The following CPO variants were observed in gnomAD, a reference collection of about 807,000 sequenced individuals.
CPO encodes the protein carboxypeptidase O.
CPO carries 43 observed loss-of-function variants against 41.2 expected under a neutral mutation model. The observed-to-expected ratio is 1.04, with a 90% CI of 0.82 to 1.35. The LOEUF (loss-of-function observed/expected upper bound fraction) is 1.35. CPO is among the 40% of genes most tolerant of loss of function. CPO has a pLI of 0.00. For missense variants in CPO, 408 were observed against 451.7 expected (o/e 0.90, Z 0.88); for synonymous variants, 178 against 162.7 (o/e 1.09, Z -0.72).
intron 8 of CPO, 80 bp from the exon 9 acceptor site, chr2:206,969,094 C>A: frequency 7.2e-7 from 1 of 1,397,620 alleles, no homozygotes; most frequent in Middle Eastern, 1.8e-4. Context: ...CTAAGTGAAC[C>A]TTTAGTTCCT....
chr2:206,949,244 A>G (rs1007197503), intron 1 of CPO, among the ~76,000 whole-genome samples: 2 of 152,222 alleles, frequency 1.3e-5, no homozygotes, highest in South Asian at 4.1e-4. Context: ...AGTTTTAGAG[A>G]GAAATAAATG....
chr2:206,946,125 A>G (rs1179767743), intron 1 of CPO, among the ~76,000 whole-genome samples: 3 of 152,098 alleles, frequency 2.0e-5, no homozygotes, highest in African/African-American at 7.2e-5. Context: ...ATGCTTCCTA[A>G]CTCATTTTAT....
At chr2:206,967,638 G>C (rs1431903241) in intron 7 of CPO, among the ~76,000 whole-genome samples, 4 of 152,130 alleles carry the variant, frequency 2.6e-5, no homozygotes, top group African/African-American at 9.7e-5. Flanking sequence ...GTAGGGTAAG[G>C]CTGAGGAATG....
chr2:206,955,416 C>A (rs769292612), intron 2 of CPO, 47 bp from the exon 3 acceptor site: 7 of 1,070,896 alleles, frequency 6.5e-6, no homozygotes, highest in African/African-American at 6.2e-5. Context: ...CAGAGGCATG[C>A]AAACAATCTT....
intron 7 of CPO, 51 bp downstream of exon 7, chr2:206,962,665 C>G: frequency 7.0e-7 from 1 of 1,428,872 alleles, no homozygotes; most frequent in South Asian, 1.2e-5. Flanking sequence ...AGACCTCTGC[C>G]TTCCTTTTTC....
chr2:206,954,136 C>T (rs1240747014), intron 2 of CPO, among the ~76,000 whole-genome samples: 1 of 152,170 alleles, frequency 6.6e-6, no homozygotes, highest in Non-Finnish European at 1.5e-5. Flanking sequence ...AGACATTTTC[C>T]CATTGTCTTG....
chr2:206,952,667 T>C (rs1235650098), intron 2 of CPO, among the ~76,000 whole-genome samples: 1 of 152,174 alleles, frequency 6.6e-6, no homozygotes, highest in African/African-American at 2.4e-5. Context: ...TCAAAACACC[T>C]AGCCTAGGAC....
In CPO at chr2:206,949,308, C is replaced by G. The variant is rs116055202; in HGVS notation, c.69-309C>G. Among the ~76,000 whole-genome samples, 851 of 152,266 alleles carry G rather than the reference C, an allele frequency of 5.6e-3. 4 individuals are homozygous for G. The highest frequency in any genetic ancestry group is 0.014 in the Middle Eastern group (4 of 294). Reference sequence around the variant, plus strand: ...TCTCGTAAGTTTCACTTCAATAAATCTTAGTTATTATTTCATATACAAATT... The same window carrying G: ...TCTCGTAAGTTTCACTTCAATAAATGTTAGTTATTATTTCATATACAAATT... On this transcript the variant is annotated intron_variant, in intron 1 of 8. Transcript: ENST00000272852.
At chr2:206,947,170 A>G (rs188969748) in intron 1 of CPO, among the ~76,000 whole-genome samples, 5 of 152,296 alleles carry the variant, frequency 3.3e-5, no homozygotes, top group Admixed American at 3.3e-4. Context: ...CAACCTCAAG[A>G]CTTAATATAA....
chr2:206,964,072 A>T (rs1177666775), intron 7 of CPO, among the ~76,000 whole-genome samples: 1 of 152,198 alleles, frequency 6.6e-6, no homozygotes, highest in Non-Finnish European at 1.5e-5. Context: ...AGTGGGGCTA[A>T]GCTTGCTCTG....
At chr2:206,957,167 G>A (rs1331366164) in intron 3 of CPO, among the ~76,000 whole-genome samples, 1 of 152,012 alleles carries the variant, frequency 6.6e-6, no homozygotes, top group East Asian at 1.9e-4. Context: ...CACGAGATCA[G>A]GAGATCAAGA....
chr2:206,966,579 G>A (rs1043816761), intron 7 of CPO, among the ~76,000 whole-genome samples: 3 of 151,970 alleles, frequency 2.0e-5, no homozygotes, highest in Non-Finnish European at 2.9e-5. Flanking sequence ...CCGCCTCCCA[G>A]TGTAAATGAT....
intron 8 of CPO, 137 bp downstream of exon 8, chr2:206,968,484 A>G (rs367714269): frequency 1.5e-6 from 1 of 646,166 alleles, no homozygotes; most frequent in Non-Finnish European, 2.8e-6. Flanking sequence ...AAAATGACCA[A>G]GGATAAAAGG....
At chr2:206,947,990 G>A (rs903395910) in intron 1 of CPO, among the ~76,000 whole-genome samples, 3 of 152,122 alleles carry the variant, frequency 2.0e-5, no homozygotes, top group African/African-American at 7.2e-5. Context: ...ATTCAAAATG[G>A]TACAGCCACT....
At chr2:206,954,767 C>G (rs929371699) in intron 2 of CPO, among the ~76,000 whole-genome samples, 5 of 152,252 alleles carry the variant, frequency 3.3e-5, no homozygotes, top group Non-Finnish European at 7.4e-5. Flanking sequence ...TTCAGCAGGG[C>G]TGGGGAGGCC....
At chr2:206,963,498 C>G (rs1693517928) in intron 7 of CPO, among the ~76,000 whole-genome samples, 1 of 152,152 alleles carries the variant, frequency 6.6e-6, no homozygotes, top group African/African-American at 2.4e-5. Context: ...AAACAACTTT[C>G]CATTTCTTCC....
chr2:206,952,601 A>T (rs1254819076), intron 2 of CPO, among the ~76,000 whole-genome samples: 1 of 152,210 alleles, frequency 6.6e-6, no homozygotes, highest in Non-Finnish European at 1.5e-5. Context: ...GACTCTTTGT[A>T]GCACAACATA....
rs768563290 is a variant in CPO at position 206,959,614 on chromosome 2, C to A, written c.373-17C>A. ...GATCTCAAAATAATTCTGAACATTT[C>A]TTTCTTAAATTTCCAGATTCTACAA... On this transcript the variant is annotated splice_polypyrimidine_tract_variant and intron_variant, in intron 4 of 8. Transcript: ENST00000272852. 1.9e-6 allele frequency: 2 copies of A among 1,066,832 alleles called. No homozygotes were observed. The highest frequency in any genetic ancestry group is 3.7e-5 in the Admixed American group (2 of 53,580). The allele number at this position is 1,066,832 out of a possible 1,614,324, so 66.1% of individuals were successfully genotyped here.
At chr2:206,959,891 T>G in intron 5 of CPO, 150 bp downstream of exon 5, 1 of 515,404 alleles carries the variant, frequency 1.9e-6, no homozygotes, top group Non-Finnish European at 3.5e-6. Flanking sequence ...CAGCTTAACA[T>G]TTTTAATCAA....
Sources: gnomAD v4.1 joint callset for allele counts (sites outside exome capture counted in the v4.1 genomes callset) on GRCh38, gnomAD v4.1.1 for gene constraint, MANE v1.5 for transcripts, NCBI Gene and HGNC (gene_info 2026-07-23, HGNC 2026-07-21) for gene names.